Variants in CMSS1 observed in about 807,000 individuals in gnomAD.
CMSS1 encodes the protein protein CMSS1.
Under a neutral mutation model 43.5 loss-of-function variants are expected in CMSS1, and 33 were observed. The ratio of observed to expected loss-of-function variants is 0.76; its 90% CI spans 0.57 to 1.01. The LOEUF is 1.01. CMSS1 is among the 50% of genes least tolerant of loss of function. CMSS1 has a pLI of 0.00. For missense variants in CMSS1, 313 were observed against 326.4 expected, an observed-to-expected ratio of 0.96 and a Z score of 0.32; for synonymous variants, 115 against 117.2, an observed-to-expected ratio of 0.98 and a Z score of 0.12.
At chr3:100,111,242 C>T (rs1455959118) in intron 1 of CMSS1, among the ~76,000 whole-genome samples, 1 of 152,136 alleles carries the variant, frequency 6.6e-6, no homozygotes, top group Non-Finnish European at 1.5e-5. Context: ...AAACTTTCCT[C>T]TACCTGCATG....
At chr3:99,991,307 C>T (rs1320324237) in intron 1 of CMSS1, among the ~76,000 whole-genome samples, 1 of 152,094 alleles carries the variant, frequency 6.6e-6, no homozygotes, top group Non-Finnish European at 1.5e-5. Context: ...GGGGCACACA[C>T]CCTTCCAAAA....
chr3:100,023,413 T>C (rs2107236642), intron 1 of CMSS1: 1 of 152,680 alleles, frequency 6.5e-6, no homozygotes, highest in African/African-American at 2.4e-5. Context: ...TGTTTTCTCG[T>C]TGGATGAACA....
chr3:100,031,756 C>T (rs2065025998), intron 1 of CMSS1, among the ~76,000 whole-genome samples: 4 of 152,134 alleles, frequency 2.6e-5, no homozygotes, highest in African/African-American at 9.7e-5. Flanking sequence ...TTATTTGCCT[C>T]ACTTTCTCCA....
intron 1 of CMSS1, among the ~76,000 whole-genome samples, chr3:99,852,687 A>C (rs796605251): frequency 1.2e-4 from 19 of 152,098 alleles, no homozygotes; most frequent in African/African-American, 3.4e-4. Flanking sequence ...CTTGTGATCC[A>C]CCTGCCTCGG....
intron 1 of CMSS1, among the ~76,000 whole-genome samples, chr3:99,935,265 CAA>C (rs34961153): frequency 4.9e-5 from 7 of 143,926 alleles, no homozygotes; most frequent in East Asian, 2.0e-4. Context: ...TTCAGGGTAC[CAA>C]AAAAAAAAAA....
At chr3:100,061,694 T>C (rs905960142) in intron 1 of CMSS1, among the ~76,000 whole-genome samples, 8 of 152,196 alleles carry the variant, frequency 5.3e-5, no homozygotes, top group African/African-American at 1.9e-4. Flanking sequence ...TTTAATTCAT[T>C]TAACCCTCAC....
chr3:100,025,119 C>T (rs531511974), intron 1 of CMSS1, among the ~76,000 whole-genome samples: 2 of 152,144 alleles, frequency 1.3e-5, no homozygotes, highest in South Asian at 2.1e-4. Flanking sequence ...TAATCGAGGC[C>T]GTAAGATTTC....
At chr3:100,024,791 C>T (rs2064888377) in intron 1 of CMSS1, among the ~76,000 whole-genome samples, 2 of 152,102 alleles carry the variant, frequency 1.3e-5, no homozygotes, top group South Asian at 4.1e-4. Context: ...CTGTGCTCTC[C>T]ACACTGTCTT....
chr3:100,128,685 C>T (rs934402199), intron 1 of CMSS1, among the ~76,000 whole-genome samples: 8 of 152,194 alleles, frequency 5.3e-5, no homozygotes, highest in Non-Finnish European at 4.4e-5. Context: ...ACAGAAGCAA[C>T]AGCTGATCTG....
chr3:100,045,301 T>C (rs1271815807), intron 1 of CMSS1, among the ~76,000 whole-genome samples: 2 of 152,240 alleles, frequency 1.3e-5, no homozygotes, highest in Non-Finnish European at 2.9e-5. Flanking sequence ...GCACTCAATA[T>C]ATGGTAATTG....
chr3:99,981,122 G>T (rs963030493), intron 1 of CMSS1, among the ~76,000 whole-genome samples: 2 of 152,144 alleles, frequency 1.3e-5, no homozygotes. Context: ...CACTCTGTCC[G>T]AGCATTGTGC....
At chr3:99,958,458 C>CT (rs1356652324) in intron 1 of CMSS1, among the ~76,000 whole-genome samples, 1 of 151,960 alleles carries the variant, frequency 6.6e-6, no homozygotes, top group Middle Eastern at 3.2e-3. Context: ...TTACATAGCA[C>CT]TCAGGCCCAC....
At chr3:99,836,411 G>A (rs899317759) in intron 1 of CMSS1, among the ~76,000 whole-genome samples, 2 of 152,204 alleles carry the variant, frequency 1.3e-5, no homozygotes, top group African/African-American at 4.8e-5. Flanking sequence ...TAAGTTTGAA[G>A]TGTATAGTTG....
intron 1 of CMSS1, among the ~76,000 whole-genome samples, chr3:99,949,992 T>C (rs1370269803): frequency 6.6e-6 from 1 of 152,196 alleles, no homozygotes; most frequent in Non-Finnish European, 1.5e-5. Context: ...TTTACTTTCA[T>C]AATCAAAGGT....
At chr3:100,161,675 T>TAC (rs56854201) in intron 3 of CMSS1, among the ~76,000 whole-genome samples, 6,730 of 152,240 alleles carry the variant, frequency 0.044, 390 homozygotes, top group African/African-American at 0.14. Flanking sequence ...GGGTTTCTAC[T>TAC]ACTGCAGCAT....
intron 1 of CMSS1, among the ~76,000 whole-genome samples, chr3:99,895,956 T>A (rs1307081375): frequency 6.6e-6 from 1 of 152,312 alleles, no homozygotes. Flanking sequence ...GTAAAGATAG[T>A]CTTTTTGTAG....
At chr3:100,098,966 T>C (rs2066259575) in intron 1 of CMSS1, among the ~76,000 whole-genome samples, 2 of 152,228 alleles carry the variant, frequency 1.3e-5, no homozygotes, top group Admixed American at 6.5e-5. Context: ...GATTCAGCCA[T>C]GCATGGGATG....
At chr3:99,908,840 T>C (rs528418724) in intron 1 of CMSS1, among the ~76,000 whole-genome samples, 8 of 152,290 alleles carry the variant, frequency 5.3e-5, no homozygotes, top group African/African-American at 1.9e-4. Context: ...ATATACAAAA[T>C]AGAATCTACC....
intron 1 of CMSS1, among the ~76,000 whole-genome samples, chr3:99,908,694 G>T (rs1706698060): frequency 1.3e-5 from 2 of 152,170 alleles, no homozygotes; most frequent in South Asian, 4.2e-4. Context: ...TTAAAAGGTT[G>T]TTAGGAGGAT....
Sources: gnomAD v4.1 joint callset for allele counts (sites outside exome capture counted in the v4.1 genomes callset) on GRCh38, gnomAD v4.1.1 for gene constraint, MANE v1.5 for transcripts, NCBI Gene and HGNC (gene_info 2026-07-23, HGNC 2026-07-21) for gene names.